GALNT13: variants seen among roughly 807,000 people sequenced by gnomAD.
The protein encoded by GALNT13 is UDP-GalNAc:polypeptide N-acetylgalactosaminyltransferase 13.
GALNT13 carries 28 observed loss-of-function variants against 64.2 expected under a neutral mutation model. The ratio of observed to expected loss-of-function variants is 0.44; its 90% CI spans 0.32 to 0.60. The LOEUF is 0.60. GALNT13 is among the 20% of genes least tolerant of loss of function. GALNT13 has a pLI of 0.05. For synonymous variants in GALNT13, 214 were observed against 224.6 expected (o/e 0.95, Z 0.42); for missense variants, 577 against 669.8 (o/e 0.86, Z 1.53).
chr2:153,762,236 T>C, the GALNT13 span: 1 of 152,186 alleles, frequency 6.6e-6, no homozygotes, highest in East Asian at 1.9e-4. Context: ...CCCACTTCTG[T>C]CTTCACATTA....
At chr2:153,219,934 A>G in the GALNT13 span, among the ~76,000 whole-genome samples, 1 of 152,218 alleles carries the variant, frequency 6.6e-6, no homozygotes, top group Non-Finnish European at 1.5e-5. Context: ...TAAAATGTAC[A>G]TGCCTTGAGC....
chr2:153,653,175 CAATTGGGATAA>C, the GALNT13 span, among the ~76,000 whole-genome samples: 26,384 of 151,850 alleles, frequency 0.17, 2,817 homozygotes, highest in Non-Finnish European at 0.24. Flanking sequence ...GCTGAAATAA[CAATTGGGATAA>C]AATACGTTTG....
chr2:153,074,986 G>A, the GALNT13 span, among the ~76,000 whole-genome samples: 2 of 152,070 alleles, frequency 1.3e-5, no homozygotes, highest in African/African-American at 4.8e-5. Flanking sequence ...TTCCACCTTG[G>A]CCTCCCAAAG....
chr2:154,347,523 T>C (rs1696138869), intron 9 of GALNT13, among the ~76,000 whole-genome samples: 1 of 152,190 alleles, frequency 6.6e-6, no homozygotes, highest in Non-Finnish European at 1.5e-5. Context: ...GGTCTCTCCA[T>C]ACCAATATGT....
chr2:153,172,719 A>AC, the GALNT13 span, among the ~76,000 whole-genome samples: 177 of 152,232 alleles, frequency 1.2e-3, no homozygotes, highest in Non-Finnish European at 2.2e-3. Context: ...CAAATAGGAG[A>AC]CTTTTTCTTC....
At chr2:154,003,652 T>C (rs1175888694) in intron 3 of GALNT13, among the ~76,000 whole-genome samples, 1 of 152,164 alleles carries the variant, frequency 6.6e-6, no homozygotes, top group Non-Finnish European at 1.5e-5. Context: ...CCAAATCTCA[T>C]GTTCTTGTAA....
the GALNT13 span, among the ~76,000 whole-genome samples, chr2:153,838,937 GTCT>G: frequency 6.6e-6 from 1 of 151,558 alleles, no homozygotes; most frequent in East Asian, 1.9e-4. Context: ...TTACATTTGT[GTCT>G]TCTTCAATTT....
the GALNT13 span, among the ~76,000 whole-genome samples, chr2:153,342,027 G>T: frequency 1.3e-5 from 2 of 152,002 alleles, no homozygotes; most frequent in African/African-American, 4.8e-5. Context: ...AACCTGTCTG[G>T]GTAAGACAAA....
the GALNT13 span, among the ~76,000 whole-genome samples, chr2:153,380,566 T>A: frequency 6.6e-6 from 1 of 151,678 alleles, no homozygotes; most frequent in Admixed American, 6.6e-5. Flanking sequence ...ATACTGTGGA[T>A]TTTGGTAAGG....
chr2:153,869,262 A>C (rs930533583), upstream of GALNT13, among the ~76,000 whole-genome samples: 14 of 152,176 alleles, frequency 9.2e-5, no homozygotes, highest in Non-Finnish European at 1.8e-4. Context: ...AAAGTCATAC[A>C]GTTTAGATAT....
intron 3 of GALNT13, among the ~76,000 whole-genome samples, chr2:153,999,874 A>T (rs550531756): frequency 1.3e-5 from 2 of 152,036 alleles, no homozygotes; most frequent in South Asian, 4.1e-4. Context: ...TTTTTGCGTG[A>T]GTTTGAGAAG....
chr2:153,299,276 T>C, the GALNT13 span, among the ~76,000 whole-genome samples: 1 of 152,210 alleles, frequency 6.6e-6, no homozygotes, highest in South Asian at 2.1e-4. Context: ...AGCACAGTCA[T>C]CTTTTATTTT....
chr2:153,152,371 G>C, the GALNT13 span, among the ~76,000 whole-genome samples: 1 of 151,826 alleles, frequency 6.6e-6, no homozygotes, highest in East Asian at 1.9e-4. Context: ...GGTTCTTTTG[G>C]GAAATCTTAA....
rs562633477 is a variant in GALNT13 at position 154,182,613 on chromosome 2, G to GA, written c.311+42114dup. On this transcript the variant is annotated intron_variant, in intron 4 of 12. Coordinates refer to ENST00000392825, the MANE Select transcript of GALNT13 (RefSeq NM_052917.4). ...ATCTGTTTTATAAGAAATTAAAGCA[G>GA]AAAAAATATATATTTATTATATGGT... Among the ~76,000 whole-genome samples the GA allele has an allele frequency of 1.3e-4, 20 of 148,182 alleles. No homozygotes were observed. In the East Asian group the frequency reaches 1.8e-3, roughly 13 times the overall value.
intron 4 of GALNT13, among the ~76,000 whole-genome samples, chr2:154,232,185 A>C (rs1421913263): frequency 2.0e-5 from 3 of 152,082 alleles, no homozygotes; most frequent in African/African-American, 2.4e-5. Context: ...TGCCTGCCTC[A>C]CTGTGAAGCT....
the GALNT13 span, among the ~76,000 whole-genome samples, chr2:153,744,796 T>C: frequency 6.6e-6 from 1 of 152,192 alleles, no homozygotes; most frequent in African/African-American, 2.4e-5. Context: ...GTTTGAATGC[T>C]TTTTGGAAAT....
chr2:153,597,574 G>C, the GALNT13 span, among the ~76,000 whole-genome samples: 1 of 152,004 alleles, frequency 6.6e-6, no homozygotes, highest in Non-Finnish European at 1.5e-5. Flanking sequence ...TTGAGTTAGA[G>C]AATGTTTTCT....
At chr2:153,872,339 T>C (rs1161108166) in intron 1 of GALNT13, 36 bp downstream of exon 1, 1 of 152,230 alleles carries the variant, frequency 6.6e-6, no homozygotes, top group Non-Finnish European at 1.5e-5. Flanking sequence ...TCTTTTCCTC[T>C]TGATTGTCTG....
At chr2:153,258,070 A>C in the GALNT13 span, among the ~76,000 whole-genome samples, 2 of 152,226 alleles carry the variant, frequency 1.3e-5, no homozygotes, top group Non-Finnish European at 1.5e-5. Flanking sequence ...TTGAGGGTAC[A>C]AACCTATGGC....
Sources: allele counts gnomAD v4.1 joint callset (sites outside exome capture counted in the v4.1 genomes callset), GRCh38; gene constraint gnomAD v4.1.1; transcripts MANE v1.5; gene names NCBI Gene and HGNC (gene_info 2026-07-23, HGNC 2026-07-21).